Variants in LARGE1 observed in about 807,000 individuals in gnomAD.
LARGE1 encodes LARGE xylosyl- and glucuronyltransferase 1, also known as xylosyl- and glucuronyltransferase LARGE1.
In LARGE1, 43 loss-of-function variants were observed where a neutral mutation model predicts 87.6. The ratio of observed to expected loss-of-function variants is 0.49; its 90% confidence interval spans 0.38 to 0.63. The LOEUF is 0.63. Among genes scored for constraint, LARGE1 ranks in the 30% least tolerant of loss-of-function variants. The pLI is 0.00. For synonymous variants in LARGE1, 434 were observed against 394.6 expected (o/e 1.10, Z -1.18); for missense variants, 802 against 1,000.2 (o/e 0.80, Z 2.67).
chr22:33,761,373 T>C lies in LARGE1; in HGVS notation c.104A>G (p.Glu35Gly). 1 of 1,612,984 alleles carries C rather than the reference T, an allele frequency of 6.2e-7. No individual in the cohort carries two copies. The highest frequency in any genetic ancestry group is 8.5e-7 in the Non-Finnish European group (1 of 1,179,038). Residue 35 changes from glutamate to glycine, a missense_variant and splice_region_variant, in exon 2 of 15, where the codon GAA (glutamate) becomes GGA (glycine). By Grantham distance (98) the Glu-to-Gly change is moderately conservative. Transcript: ENST00000397394. ...TWIYLFSGSF[E>G]DGKPVSLSPL... is the part of the protein sequence containing the mutation. Reference sequence around the variant, plus strand: ...CTCACTTTGGCTTCCATTCTTACCTTCGAAGCTCCCAGAAAACAGGTAAAT... The same window carrying C: ...CTCACTTTGGCTTCCATTCTTACCTCCGAAGCTCCCAGAAAACAGGTAAAT...
At chr22:33,910,771 C>T (rs1207216176) in intron 1 of LARGE1, among the ~76,000 whole-genome samples, 1 of 151,946 alleles carries the variant, frequency 6.6e-6, no homozygotes, top group Admixed American at 6.6e-5. Context: ...TTGGATCCAG[C>T]AAAAAAAGCA....
At chr22:33,859,154 C>A (rs2063841067) in intron 1 of LARGE1, among the ~76,000 whole-genome samples, 1 of 151,964 alleles carries the variant, frequency 6.6e-6, no homozygotes, top group African/African-American at 2.4e-5. Context: ...CATAACTGCA[C>A]GTTCTGCACA....
At chr22:33,721,330 T>C (rs1319540487) in intron 2 of LARGE1, among the ~76,000 whole-genome samples, 1 of 152,220 alleles carries the variant, frequency 6.6e-6, no homozygotes, top group Non-Finnish European at 1.5e-5. Context: ...GTCTCATTCA[T>C]AGAATATGGG....
At chr22:33,153,021 T>C in the LARGE1 span, among the ~76,000 whole-genome samples, 29 of 152,180 alleles carry the variant, frequency 1.9e-4, 1 homozygote, top group Admixed American at 1.8e-3. Flanking sequence ...CTGATTATAA[T>C]TCTCTGTTCA....
chr22:33,247,771 A>T (rs2145706124), intron 11 of LARGE1, among the ~76,000 whole-genome samples: 1 of 152,356 alleles, frequency 6.6e-6, no homozygotes, highest in East Asian at 1.9e-4. Flanking sequence ...CTGATTGTGG[A>T]GCCCGGACAT....
chr22:33,109,879 CA>C, the LARGE1 span, among the ~76,000 whole-genome samples: 4 of 152,180 alleles, frequency 2.6e-5, no homozygotes, highest in Non-Finnish European at 1.5e-5. Context: ...CATCTTCTGC[CA>C]TAATTGTAAG....
At chr22:33,513,919 C>T (rs866944752) in intron 6 of LARGE1, among the ~76,000 whole-genome samples, 62 of 151,706 alleles carry the variant, frequency 4.1e-4, no homozygotes, top group African/African-American at 1.2e-3. Flanking sequence ...AAGATTATGA[C>T]GTTGCATTTT....
intron 9 of LARGE1, among the ~76,000 whole-genome samples, chr22:33,360,115 C>T (rs924274717): frequency 5.3e-5 from 8 of 149,660 alleles, no homozygotes; most frequent in Admixed American, 4.6e-4. Flanking sequence ...GAGTTTGAGA[C>T]CAGTCTGGCC....
chr22:33,536,890 C>A (rs186279727), intron 6 of LARGE1, among the ~76,000 whole-genome samples: 20 of 152,364 alleles, frequency 1.3e-4, no homozygotes, highest in African/African-American at 4.6e-4. Flanking sequence ...CAGCTCACTA[C>A]AACCTCTGCC....
intron 3 of LARGE1, among the ~76,000 whole-genome samples, chr22:33,645,481 A>G (rs1340154171): frequency 6.6e-6 from 1 of 152,236 alleles, no homozygotes; most frequent in Non-Finnish European, 1.5e-5. Flanking sequence ...ACCTAAAACC[A>G]TAAAAACCCT....
At chr22:33,719,489 T>G (rs1342214474) in intron 2 of LARGE1, among the ~76,000 whole-genome samples, 1 of 149,772 alleles carries the variant, frequency 6.7e-6, no homozygotes, top group Non-Finnish European at 1.5e-5. Flanking sequence ...AGGTATGCCA[T>G]CTATACCATA....
chr22:33,827,136 G>A (rs2062817941), intron 1 of LARGE1, among the ~76,000 whole-genome samples: 1 of 151,938 alleles, frequency 6.6e-6, no homozygotes, highest in African/African-American at 2.4e-5. Context: ...GCCGAGGCGG[G>A]CAGATCATAA....
intron 1 of LARGE1, among the ~76,000 whole-genome samples, chr22:33,914,700 T>G (rs755427410): frequency 3.3e-5 from 5 of 152,196 alleles, no homozygotes; most frequent in Non-Finnish European, 5.9e-5. Context: ...TCAGGCCTCT[T>G]TCTTTCCATT....
chr22:33,413,816 T>A (rs1007414008), intron 7 of LARGE1, among the ~76,000 whole-genome samples: 41 of 152,148 alleles, frequency 2.7e-4, no homozygotes, highest in Non-Finnish European at 5.9e-4. Flanking sequence ...CAAGGCATAG[T>A]GAGCCCCCAT....
intron 11 of LARGE1, among the ~76,000 whole-genome samples, chr22:33,213,384 A>C (rs1051377411): frequency 6.6e-6 from 1 of 152,252 alleles, no homozygotes; most frequent in Admixed American, 6.5e-5. Flanking sequence ...AAGCAGTGGC[A>C]GGGTTTCAGA....
chr22:33,115,708 C>T, the LARGE1 span, among the ~76,000 whole-genome samples: 1 of 151,390 alleles, frequency 6.6e-6, no homozygotes, highest in South Asian at 2.1e-4. Context: ...GTCCCAGCTA[C>T]TCGGGACGCT....
intron 6 of LARGE1, among the ~76,000 whole-genome samples, chr22:33,486,793 G>A (rs1271239244): frequency 6.6e-6 from 1 of 152,172 alleles, no homozygotes; most frequent in Non-Finnish European, 1.5e-5. Flanking sequence ...CTCTGATGGA[G>A]AGAGGGGACC....
At chr22:33,818,046 AATTTAACCTT>A (rs1345657367) in intron 1 of LARGE1, among the ~76,000 whole-genome samples, 2 of 152,064 alleles carry the variant, frequency 1.3e-5, no homozygotes, top group Non-Finnish European at 2.9e-5. Context: ...ATCCACAACT[AATTTAACCTT>A]GGACAGGTTC....
At chr22:33,435,799 T>C (rs1483083201) in intron 6 of LARGE1, among the ~76,000 whole-genome samples, 1 of 152,230 alleles carries the variant, frequency 6.6e-6, no homozygotes, top group Middle Eastern at 3.2e-3. Context: ...CTTTTGATAG[T>C]ACCACTTAAC....
Sources: allele counts gnomAD v4.1 joint callset (sites outside exome capture counted in the v4.1 genomes callset), GRCh38; gene constraint gnomAD v4.1.1; transcripts MANE v1.5; gene names NCBI Gene and HGNC (gene_info 2026-07-23, HGNC 2026-07-21).